Variants in CUX1 observed in about 807,000 individuals in gnomAD.
CUX1 encodes protein CASP.
Under a neutral mutation model 158.8 loss-of-function variants are expected in CUX1, and 31 were observed. That is an observed-to-expected ratio of 0.20 (90% CI 0.15 to 0.26). CUX1 has a LOEUF of 0.26. CUX1 is among the 10% of genes least tolerant of loss of function. The probability of loss-of-function intolerance (pLI) is 1.00; values close to 1 mark genes in which losing one functional copy is unlikely to be tolerated. For synonymous variants in CUX1, 879 were observed against 862.1 expected (o/e 1.02, Z -0.34); for missense variants, 1,589 against 2,014.6 (o/e 0.79, Z 4.04).
intron 4 of CUX1, among the ~76,000 whole-genome samples, chr7:102,073,165 C>CTTTTTTTTTTTTTTTTTG (rs1826330101): frequency 1.5e-5 from 1 of 66,890 alleles, no homozygotes; most frequent in Non-Finnish European, 2.5e-5. Context: ...TCTTTTCTTT[C>CTTTTTTTTTTTTTTTTTG]TTTTTTTTTT....
chr7:101,816,788 C>G (rs1435700637), upstream of CUX1: 10 of 173,296 alleles, frequency 5.8e-5, no homozygotes, highest in Non-Finnish European at 8.6e-5. Context: ...GGCCCGGCTC[C>G]GGCCAGGCGG....
intron 20 of CUX1, among the ~76,000 whole-genome samples, chr7:102,212,420 C>T (rs575268322): frequency 3.3e-5 from 5 of 152,306 alleles, no homozygotes; most frequent in African/African-American, 4.8e-5. Context: ...TGCCAGAACT[C>T]GGCCCCCCAA....
At chr7:101,896,024 C>T (rs758171009) in intron 1 of CUX1, among the ~76,000 whole-genome samples, 1 of 150,446 alleles carries the variant, frequency 6.6e-6, no homozygotes, top group Non-Finnish European at 1.5e-5. Flanking sequence ...GTAGCTGGGA[C>T]TATAGGCATG....
intron 23 of CUX1, 26 bp downstream of exon 23, chr7:102,239,610 G>T: frequency 1.3e-6 from 2 of 1,599,982 alleles, no homozygotes; most frequent in South Asian, 2.2e-5. Context: ...CACAGGGAGC[G>T]CCGGTCGGCC....
intron 2 of CUX1, among the ~76,000 whole-genome samples, chr7:102,001,896 T>C (rs1395209581): frequency 2.0e-5 from 3 of 152,224 alleles, no homozygotes; most frequent in Non-Finnish European, 2.9e-5. Flanking sequence ...GCAAAGGTAC[T>C]GAAATTGGAG....
chr7:101,874,208 C>T (rs1183304922), intron 1 of CUX1, among the ~76,000 whole-genome samples: 1 of 152,154 alleles, frequency 6.6e-6, no homozygotes, highest in East Asian at 1.9e-4. Context: ...TGGTACATTC[C>T]TTTCATGCCA....
At chr7:102,172,552 A>G (rs1204452091) in intron 10 of CUX1, among the ~76,000 whole-genome samples, 1 of 152,016 alleles carries the variant, frequency 6.6e-6, no homozygotes, top group Non-Finnish European at 1.5e-5. Flanking sequence ...TCCCGGCCCT[A>G]TTTTTTTATA....
rs1289571608 is a variant in CUX1 at position 102,236,864 on chromosome 7, G to A, written c.3623-2456G>A. Among the ~76,000 whole-genome samples, 6 of 152,144 alleles carry A rather than the reference G, an allele frequency of 3.9e-5. 1 individual carries two copies. The highest frequency in any genetic ancestry group is 5.9e-5 in the Non-Finnish European group (4 of 67,998). On this transcript the variant is annotated intron_variant, in intron 22 of 23. Transcript: ENST00000292535. ...CCCATCTTTCCCTCGGCACAGGCTC[G>A]GGGCGCCCTCTTGTGTTACAAATGA...
At chr7:101,853,281 T>G (rs1365932466) in intron 1 of CUX1, among the ~76,000 whole-genome samples, 1 of 152,222 alleles carries the variant, frequency 6.6e-6, no homozygotes, top group African/African-American at 2.4e-5. Flanking sequence ...ATATGATTAC[T>G]CTTCCCTGAG....
At chr7:102,215,505 G>A (rs946556400) in intron 20 of CUX1, among the ~76,000 whole-genome samples, 13 of 152,196 alleles carry the variant, frequency 8.5e-5, no homozygotes, top group Non-Finnish European at 1.9e-4. Context: ...CGCTGATAAC[G>A]TGAGCACCGA....
At chr7:102,028,247 A>G (rs1264253508) in intron 3 of CUX1, 102 bp downstream of exon 3, 47 of 1,259,512 alleles carry the variant, frequency 3.7e-5, no homozygotes, top group Non-Finnish European at 4.9e-5. Flanking sequence ...TGCTGCCCAG[A>G]TGGTGCCTTC....
chr7:102,279,352 T>A (rs1349843417), intron 18 of CUX1, among the ~76,000 whole-genome samples: 2 of 151,884 alleles, frequency 1.3e-5, no homozygotes, highest in African/African-American at 4.8e-5. Context: ...AATAAATAAA[T>A]AAGCAATAAT....
intron 14 of CUX1, among the ~76,000 whole-genome samples, chr7:102,265,170 AC>A (rs1176129521): frequency 6.6e-6 from 1 of 152,138 alleles, no homozygotes; most frequent in Non-Finnish European, 1.5e-5. Context: ...AGCCTGGCCA[AC>A]ATGAAGAAAC....
At position 102,227,446 on chromosome 7, in the gene CUX1, G is replaced by T; in HGVS notation, c.3210G>T (p.Leu1070=). 6.2e-7 allele frequency: 1 copy of T among 1,614,016 alleles called. No individual in the cohort carries two copies. Among genetic ancestry groups the T allele is most frequent in the Non-Finnish European group, 8.5e-7 (1 of 1,180,008 alleles). Residue 1070 remains leucine (L), a synonymous_variant, in exon 21 of 24, where the codon CTG becomes CTT. Transcript: ENST00000292535. ...PMSSSESVKS[L]TELVQQPCPP... is the part of the protein sequence containing the mutation. Reference sequence around the variant, plus strand: ...GTTCCAGTGAGTCGGTGAAGAGCCTGACCGAGCTGGTCCAGCAGCCCTGTC... The same window carrying T: ...GTTCCAGTGAGTCGGTGAAGAGCCTTACCGAGCTGGTCCAGCAGCCCTGTC...
In CUX1 at chr7:102,201,653, AAGG is replaced by A; in HGVS notation, c.2360_2362del (p.Glu787del). The A allele has an allele frequency of 6.2e-7, 1 of 1,613,378 alleles. No individual in the cohort carries two copies. Among genetic ancestry groups the A allele is most frequent in the Non-Finnish European group, 8.5e-7 (1 of 1,179,850 alleles). On this transcript the variant is annotated inframe_deletion, in exon 18 of 24. Coordinates refer to ENST00000292535, the MANE Select transcript of CUX1 (RefSeq NM_181552.4). The surrounding 1 kb of genome is among the most constrained non-coding windows in gnomAD (Gnocchi z 5.0). ...TCTGCCGAACCCCCCGGCCCTCAAA[AAGG>A]AGGCCCAGGACGCCCCCGGGCTGGA...
At chr7:102,125,237 C>T (rs1405644516) in intron 8 of CUX1, among the ~76,000 whole-genome samples, 1 of 152,198 alleles carries the variant, frequency 6.6e-6, no homozygotes, top group Non-Finnish European at 1.5e-5. Context: ...TGAACGGCCT[C>T]TGTAGCGTTC....
rs782627307 is a variant in CUX1, at chr7:102,177,842, G to GC, written c.829-625dup. ...GTATTTTCTGCATCTCACTCATCCT[G>GC]CCGCATCCCTGCTGGGCTGTAAGCC... On this transcript the variant is annotated intron_variant, in intron 10 of 23. Transcript: ENST00000292535. Among the ~76,000 whole-genome samples the GC allele has an allele frequency of 1.2e-4, 19 of 152,198 alleles. No homozygotes were observed. The South Asian group carries it at 1.5e-3, about 12-fold the overall frequency.
chr7:101,862,072 T>A (rs1169158600), intron 1 of CUX1, among the ~76,000 whole-genome samples: 2 of 152,212 alleles, frequency 1.3e-5, no homozygotes, highest in Non-Finnish European at 2.9e-5. Context: ...TGACCTCATA[T>A]GATTCGCCCA....
intron 2 of CUX1, among the ~76,000 whole-genome samples, chr7:102,026,706 G>C (rs1053181628): frequency 1.3e-5 from 2 of 151,320 alleles, no homozygotes; most frequent in African/African-American, 2.4e-5. Flanking sequence ...TGTAGTCCCA[G>C]CTACTCAGGA....
Sources: allele counts gnomAD v4.1 joint callset (sites outside exome capture counted in the v4.1 genomes callset), GRCh38; gene constraint gnomAD v4.1.1; non-coding constraint Gnocchi (gnomAD v3.1); transcripts MANE v1.5; gene names NCBI Gene and HGNC (gene_info 2026-07-23, HGNC 2026-07-21).